GDPD1: variants seen among roughly 807,000 people sequenced by gnomAD.
GDPD1 encodes the protein lysophospholipase D GDPD1.
In GDPD1, 28 loss-of-function variants were observed where a neutral mutation model predicts 45.1. The ratio of observed to expected loss-of-function variants is 0.62; its 90% confidence interval spans 0.46 to 0.85. The LOEUF (loss-of-function observed/expected upper bound fraction) is 0.85. Ranked by LOEUF, GDPD1 falls within the 40% of genes least tolerant of loss-of-function variation. The pLI is 0.00. For missense variants in GDPD1, 256 were observed against 364.8 expected, an observed-to-expected ratio of 0.70 and a Z score of 2.43; for synonymous variants, 139 against 131.4, an observed-to-expected ratio of 1.06 and a Z score of -0.40.
chr17:59,234,398 AAAAG>A (rs2047115711), intron 1 of GDPD1, 90 bp from the exon 2 acceptor site: 1 of 791,538 alleles, frequency 1.3e-6, no homozygotes, highest in Non-Finnish European at 2.1e-6. Flanking sequence ...AAAAAAAAAA[AAAAG>A]GTCAAGATTC....
intron 6 of GDPD1, among the ~76,000 whole-genome samples, chr17:59,264,813 GTAGA>G (rs1342073602): frequency 2.6e-5 from 4 of 151,984 alleles, no homozygotes; most frequent in African/African-American, 7.3e-5. Flanking sequence ...AAATAAAGGA[GTAGA>G]TAATTTAGAA....
chr17:59,243,512 C>CAAAA (rs780707265), intron 2 of GDPD1, among the ~76,000 whole-genome samples: 1 of 115,304 alleles, frequency 8.7e-6, no homozygotes, highest in Non-Finnish European at 1.9e-5. Flanking sequence ...ACCCCCCAAC[C>CAAAA]AAAAAAAAAA....
chr17:59,239,004 G>T (rs1345365640), intron 2 of GDPD1, among the ~76,000 whole-genome samples: 7 of 152,132 alleles, frequency 4.6e-5, no homozygotes, highest in Admixed American at 3.3e-4. Flanking sequence ...ATAAAACTAG[G>T]TTATTAAACC....
chr17:59,255,774 T>TACGCGTATATATATATATATACACAC lies in GDPD1; in HGVS notation c.368-1347_368-1346insCGCGTATATATATATATATACACACA, dbSNP rs1243957811. Among the ~76,000 whole-genome samples the TACGCGTATATATATATATATACACAC allele has an allele frequency of 7.3e-4, 58 of 79,200 alleles. 5 individuals carry two copies. Among genetic ancestry groups the TACGCGTATATATATATATATACACAC allele is most frequent in the African/African-American group, 4.8e-3 (55 of 11,490 alleles). 52.0% of individuals were successfully genotyped at this position (79,200 alleles called of 152,430 possible). On this transcript the variant is annotated intron_variant, in intron 4 of 9. Coordinates refer to ENST00000284116, the MANE Select transcript of GDPD1 (RefSeq NM_182569.4). ...AAAAAAAAAAAAAAATATATATATA[T>TACGCGTATATATATATATATACACAC]ATATATATATACGCGTATATATGTA...
chr17:59,257,096 T>A, intron 4 of GDPD1, 26 bp from the exon 5 acceptor site: 1 of 1,171,322 alleles, frequency 8.5e-7, no homozygotes. Context: ...ATTTAAAAAA[T>A]ACATTTAAAA....
intron 2 of GDPD1, among the ~76,000 whole-genome samples, chr17:59,244,747 G>A (rs2047198258): frequency 6.6e-6 from 1 of 152,116 alleles, no homozygotes; most frequent in Non-Finnish European, 1.5e-5. Context: ...TTAAAACCTT[G>A]CACTTTGGGA....
At chr17:59,254,490 A>G (rs2047281560) in intron 4 of GDPD1, among the ~76,000 whole-genome samples, 1 of 151,928 alleles carries the variant, frequency 6.6e-6, no homozygotes, top group Admixed American at 6.6e-5. Context: ...TGGTCATGCT[A>G]CTGCACTCCA....
At chr17:59,240,290 CAA>C (rs1397648202) in intron 2 of GDPD1, among the ~76,000 whole-genome samples, 1 of 114,342 alleles carries the variant, frequency 8.7e-6, no homozygotes. Flanking sequence ...GACTCTGTCT[CAA>C]AAAAAAAAAT....
chr17:59,246,224 CAGGATTCTACCTTATGTAGA>C (rs535637415), intron 3 of GDPD1, among the ~76,000 whole-genome samples: 23 of 152,110 alleles, frequency 1.5e-4, no homozygotes, highest in Non-Finnish European at 2.4e-4. Context: ...CTTATGTTAA[CAGGATTCTACCTTATGTAGA>C]AGGATTCTAC....
At chr17:59,239,783 C>T (rs979093354) in intron 2 of GDPD1, among the ~76,000 whole-genome samples, 5 of 149,842 alleles carry the variant, frequency 3.3e-5, no homozygotes, top group African/African-American at 4.9e-5. Context: ...TTTTAATTGC[C>T]AGCATAGGAC....
At chr17:59,236,606 C>T (rs1653725516) in intron 2 of GDPD1, among the ~76,000 whole-genome samples, 2 of 152,138 alleles carry the variant, frequency 1.3e-5, no homozygotes, top group Admixed American at 1.3e-4. Context: ...AATGATTTCT[C>T]TGCCTCAGCT....
At chr17:59,268,597 A>AAG (rs67117742) in intron 7 of GDPD1, among the ~76,000 whole-genome samples, 1 of 124,876 alleles carries the variant, frequency 8.0e-6, no homozygotes, top group East Asian at 2.4e-4. Context: ...AAAAAAAAAA[A>AAG]AAAAAGAAAA....
chr17:59,234,951 T>C (rs1361876889), intron 2 of GDPD1, among the ~76,000 whole-genome samples: 1 of 151,738 alleles, frequency 6.6e-6, no homozygotes, highest in Non-Finnish European at 1.5e-5. Context: ...TGGTTTCTTC[T>C]TGGAAGCCTC....
chr17:59,257,353 G>C (rs1393541999), intron 5 of GDPD1, 113 bp downstream of exon 5: 1 of 634,768 alleles, frequency 1.6e-6, no homozygotes, highest in Non-Finnish European at 2.8e-6. Flanking sequence ...TGATACCCTA[G>C]GGATCAGCAT....
intron 2 of GDPD1, among the ~76,000 whole-genome samples, chr17:59,241,347 C>T (rs535348859): frequency 6.6e-5 from 10 of 152,216 alleles, no homozygotes; most frequent in East Asian, 1.9e-4. Context: ...GACGGAGTTT[C>T]GCTTTTGTCG....
chr17:59,255,151 G>C (rs2047286358), intron 4 of GDPD1, among the ~76,000 whole-genome samples: 1 of 151,858 alleles, frequency 6.6e-6, no homozygotes, highest in Admixed American at 6.6e-5. Context: ...TCTTTATTTT[G>C]ATTTGCCATA....
chr17:59,233,511 C>CAA (rs35485066), intron 1 of GDPD1, among the ~76,000 whole-genome samples: 34,685 of 90,458 alleles, frequency 0.38, 5,228 homozygotes, highest in South Asian at 0.47. Context: ...GACTCCGTCT[C>CAA]AAAAAAAAAA....
intron 2 of GDPD1, among the ~76,000 whole-genome samples, chr17:59,235,284 G>A (rs867839288): frequency 6.6e-6 from 1 of 152,050 alleles, no homozygotes; most frequent in African/African-American, 2.4e-5. Context: ...GCCAATTAAT[G>A]TATATAATTG....
intron 4 of GDPD1, 56 bp downstream of exon 4, chr17:59,248,841 T>G: frequency 7.7e-7 from 1 of 1,290,322 alleles, no homozygotes; most frequent in Non-Finnish European, 1.1e-6. Context: ...ATGTGTGTTT[T>G]CTTGTCATAG....
Sources: gnomAD v4.1 joint callset for allele counts (sites outside exome capture counted in the v4.1 genomes callset) on GRCh38, gnomAD v4.1.1 for gene constraint, MANE v1.5 for transcripts, NCBI Gene and HGNC (gene_info 2026-07-23, HGNC 2026-07-21) for gene names.